CFAP54: variants seen among roughly 807,000 people sequenced by gnomAD.
CFAP54 encodes the protein cilia and flagella associated protein 54.
CFAP54 carries 290 observed loss-of-function variants against 370.4 expected under a neutral mutation model. The ratio of observed to expected loss-of-function variants is 0.78; its 90% CI spans 0.71 to 0.86. The LOEUF is 0.86. CFAP54 is among the 40% of genes least tolerant of loss of function. The probability of loss-of-function intolerance (pLI) is 0.00; values close to 1 mark genes in which losing one functional copy is unlikely to be tolerated. For missense variants in CFAP54, 3,399 were observed against 3,528.7 expected, an observed-to-expected ratio of 0.96 and a Z score of 0.93; for synonymous variants, 1,206 against 1,236.5, an observed-to-expected ratio of 0.98 and a Z score of 0.52.
chr12:96,679,478 G>T, intron 39 of CFAP54, 122 bp from the exon 40 acceptor site: 1 of 989,976 alleles, frequency 1.0e-6, no homozygotes, highest in Non-Finnish European at 1.4e-6. Context: ...CAGATCTGGG[G>T]GCTTTGAATT....
At chr12:96,813,824 G>A (rs1315626776) in intron 64 of CFAP54, among the ~76,000 whole-genome samples, 1 of 152,206 alleles carries the variant, frequency 6.6e-6, no homozygotes, top group East Asian at 1.9e-4. Flanking sequence ...GTAGATGCTT[G>A]TTTGTAGTGC....
chr12:96,724,942 C>G (rs907115561), intron 50 of CFAP54, among the ~76,000 whole-genome samples: 2 of 152,146 alleles, frequency 1.3e-5, no homozygotes, highest in African/African-American at 4.8e-5. Context: ...AATCCTTTCC[C>G]CATTGCTTGT....
intron 9 of CFAP54, among the ~76,000 whole-genome samples, chr12:96,529,942 A>G (rs1002347909): frequency 1.3e-5 from 2 of 152,184 alleles, no homozygotes; most frequent in African/African-American, 2.4e-5. Flanking sequence ...GTTTTCTTCC[A>G]TAAGTTTTAT....
chr12:96,753,681 G>A, intron 55 of CFAP54, 62 bp from the exon 56 acceptor site: 2 of 1,513,130 alleles, frequency 1.3e-6, no homozygotes, highest in Non-Finnish European at 1.8e-6. Flanking sequence ...TGGTAACTTG[G>A]AGGCTTGTTA....
At chr12:96,538,362 A>G (rs1955530677) in intron 12 of CFAP54, 22 bp from the exon 13 acceptor site, 1 of 1,519,810 alleles carries the variant, frequency 6.6e-7, no homozygotes, top group Non-Finnish European at 8.8e-7. Flanking sequence ...CTACTCATTT[A>G]CCTTCTCACT....
At chr12:96,537,768 C>G (rs77887055) in intron 12 of CFAP54, among the ~76,000 whole-genome samples, 4 of 151,804 alleles carry the variant, frequency 2.6e-5, no homozygotes, top group African/African-American at 9.7e-5. Context: ...TTTAGAGAGG[C>G]GGAAGAGCAT....
At chr12:96,541,366 A>G (rs531965813) in intron 14 of CFAP54, among the ~76,000 whole-genome samples, 36 of 149,202 alleles carry the variant, frequency 2.4e-4, no homozygotes, top group Non-Finnish European at 4.3e-4. Flanking sequence ...GCTCACTGCA[A>G]CCTCCATCTC....
At chr12:96,829,862 A>G (rs1382619762) in intron 66 of CFAP54, among the ~76,000 whole-genome samples, 1 of 152,104 alleles carries the variant, frequency 6.6e-6, no homozygotes, top group Non-Finnish European at 1.5e-5. Flanking sequence ...TCCATTAAAC[A>G]ATAACTCCTC....
Position 96,664,699 on chromosome 12 carries a change from A to ATATATATC in CFAP54, c.5563+774_5563+775insCTATATAT, listed in dbSNP as rs1592696483. On this transcript the variant is annotated intron_variant, in intron 39 of 67. Transcript: ENST00000524981. ...TTTATATTCCTTTGGGTATATATCT[A>ATATATATC]TATATATATATATATCTATATATAT... Among the ~76,000 whole-genome samples the ATATATATC allele has an allele frequency of 4.9e-4, 4 of 8,224 alleles. No individual in the cohort carries two copies. In the East Asian group the frequency reaches 6.9e-3, roughly 14 times the overall value. The allele number at this position is 8,224 out of a possible 152,430, so 5.4% of individuals were successfully genotyped here. A position where few individuals can be genotyped will look rare whatever the true frequency, so the allele number is the denominator to read the frequency against.
intron 66 of CFAP54, among the ~76,000 whole-genome samples, chr12:96,849,719 G>T (rs939653062): frequency 6.6e-6 from 1 of 152,054 alleles, no homozygotes; most frequent in Non-Finnish European, 1.5e-5. Flanking sequence ...TTCAATTCAG[G>T]CCAGATTTTA....
intron 46 of CFAP54, among the ~76,000 whole-genome samples, chr12:96,701,846 T>C (rs933719860): frequency 6.6e-6 from 1 of 152,004 alleles, no homozygotes; most frequent in African/African-American, 2.4e-5. Context: ...GGACTGGAAT[T>C]TTCTCTAAAT....
At chr12:96,857,716 T>C (rs537400131) in intron 66 of CFAP54, among the ~76,000 whole-genome samples, 164 of 152,282 alleles carry the variant, frequency 1.1e-3, no homozygotes, top group African/African-American at 3.7e-3. Flanking sequence ...TGAGATCTGA[T>C]AGTTTAAAAG....
chr12:96,860,855 CT>C lies in CFAP54; in HGVS notation c.9210del (p.Glu3071ArgfsTer21), dbSNP rs1306418849. On this transcript the variant is annotated frameshift_variant, in exon 67 of 68. Coordinates refer to ENST00000524981, the MANE Select transcript of CFAP54 (RefSeq NM_001306084.2). LOFTEE classifies it high-confidence loss of function. ...TATCTCACTGCCGTCTATATTCAAT[CT>C]TGAGAGACTTTTTGATCTGGCTAAT... is the stretch of plus-strand genomic sequence containing the variant. The part of the protein sequence containing the change: ...FDISLPSIFN[L>X]ERLFDLANGC... 7 of 1,533,698 alleles carry C rather than the reference CT, an allele frequency of 4.6e-6. No individual in the cohort carries two copies.
chr12:96,545,790 A>G (rs1955634671), intron 14 of CFAP54, among the ~76,000 whole-genome samples: 1 of 152,218 alleles, frequency 6.6e-6, no homozygotes, highest in South Asian at 2.1e-4. Flanking sequence ...CCAGTCATCA[A>G]TTATGCATAT....
chr12:96,792,271 CAT>C, intron 62 of CFAP54, 56 bp from the exon 63 acceptor site: 1 of 1,364,604 alleles, frequency 7.3e-7, no homozygotes, highest in Non-Finnish European at 9.7e-7. Context: ...TAATTTGTTT[CAT>C]ATATGTAACA....
In CFAP54 at chr12:96,769,162, T is replaced by C. The variant is rs146814982; in HGVS notation, c.8281+3944T>C. On this transcript the variant is annotated intron_variant, in intron 60 of 67. Coordinates refer to ENST00000524981, the MANE Select transcript of CFAP54 (RefSeq NM_001306084.2). The stretch of plus-strand genomic sequence containing the variant: ...ATGCTACCTACTTTGGGCCCAGTTA[T>C]ATTCAAGTATATACTCTTATCATTT... Among the ~76,000 whole-genome samples, 43 of 99,724 alleles carry C rather than the reference T, an allele frequency of 4.3e-4. No individual in the cohort carries two copies. The East Asian group carries it at 0.015, about 34-fold the overall frequency. The allele number at this position is 99,724 out of a possible 152,430, so 65.4% of individuals were successfully genotyped here.
At chr12:96,665,931 T>C (rs1447613752) in intron 39 of CFAP54, among the ~76,000 whole-genome samples, 1 of 152,230 alleles carries the variant, frequency 6.6e-6, no homozygotes, top group African/African-American at 2.4e-5. Flanking sequence ...TTTAATGATA[T>C]TGATTCTTCC....
At chr12:96,646,466 G>T (rs546691884) in intron 33 of CFAP54, 13 of 152,334 alleles carry the variant, frequency 8.5e-5, no homozygotes, top group Non-Finnish European at 1.5e-4. Context: ...TGGAGAGGAT[G>T]TGGAGAAATA....
chr12:96,796,000 C>G (rs1213118845), intron 63 of CFAP54, among the ~76,000 whole-genome samples: 1 of 152,180 alleles, frequency 6.6e-6, no homozygotes, highest in African/African-American at 2.4e-5. Context: ...TTTTGCTTGG[C>G]TCTCTAAATT....
Sources: gnomAD v4.1 joint callset for allele counts (sites outside exome capture counted in the v4.1 genomes callset) on GRCh38, gnomAD v4.1.1 for gene constraint, MANE v1.5 for transcripts, NCBI Gene and HGNC (gene_info 2026-07-23, HGNC 2026-07-21) for gene names.